Variants in ETV4 observed in about 807,000 individuals in gnomAD.
ETV4 encodes the protein ETS translocation variant 4.
A neutral mutation model predicts 65.9 loss-of-function variants in ETV4; 42 were observed. The observed-to-expected ratio is 0.64, with a 90% CI of 0.50 to 0.82. ETV4 has a LOEUF of 0.82. ETV4 is among the 40% of genes least tolerant of loss of function. ETV4 has a pLI of 0.00. For synonymous variants in ETV4, 238 were observed against 260.0 expected, an observed-to-expected ratio of 0.92 and a Z score of 0.81; for missense variants, 583 against 630.3, an observed-to-expected ratio of 0.92 and a Z score of 0.80.
At chr17:43,542,613 G>A (rs1971580740) in intron 4 of ETV4, among the ~76,000 whole-genome samples, 5 of 152,024 alleles carry the variant, frequency 3.3e-5, no homozygotes, top group Admixed American at 3.3e-4. Flanking sequence ...ATTCACCCCT[G>A]TGTACAAAAA....
intron 4 of ETV4, 74 bp from the exon 5 acceptor site, chr17:43,536,553 C>T: frequency 7.4e-7 from 1 of 1,352,900 alleles, no homozygotes; most frequent in Non-Finnish European, 1.1e-6. Flanking sequence ...TATTACAGCC[C>T]TGCAGATTAG....
At position 43,528,476 on chromosome 17, in the gene ETV4, C is replaced by G. The variant is rs781418149; in HGVS notation, c.*43G>C. On this transcript the variant is annotated 3_prime_UTR_variant, in exon 13 of 13. Transcript: ENST00000319349. ...AACACCAGATTCATTTATATGTACA[C>G]AGGGCAGCACCCACCTGCGGCAGGG... 3.7e-6 allele frequency: 5 copies of G among 1,353,500 alleles called. No homozygotes were observed. Among genetic ancestry groups the G allele is most frequent in the African/African-American group, 2.9e-5 (2 of 69,074 alleles). The allele number at this position is 1,353,500 out of a possible 1,614,324, so 83.8% of individuals were successfully genotyped here.
Position 43,529,623 on chromosome 17 carries a change from G to A in ETV4, c.1009C>T (p.Arg337Cys), listed in dbSNP as rs1018248763. 9 of 1,614,070 alleles carry A rather than the reference G, an allele frequency of 5.6e-6. No individual in the cohort carries two copies. The East Asian group carries it at 6.7e-5, about 12-fold the overall frequency. Reference sequence around the variant, plus strand: ...TGCCACAGCTGCAGGGCACCCCGGCGCTGGTAGGGCGGCCCCTCTCGAAAT... The same window carrying A: ...TGCCACAGCTGCAGGGCACCCCGGCACTGGTAGGGCGGCCCCTCTCGAAAT... ...GAFREGPPYQ[R>C]RGALQLWQFL... The change falls in exon 11 of 13, where the codon CGC (arginine) becomes TGC (cysteine). Residue 337 changes from arginine (R) to cysteine (C), a missense_variant. By Grantham distance (180) the Arg-to-Cys change is radical. Transcript: ENST00000319349.
In ETV4 at chr17:43,539,322, T is replaced by C. The variant is rs541859060; in HGVS notation, c.203-2843A>G. Among the ~76,000 whole-genome samples the C allele has an allele frequency of 3.9e-5, 6 of 152,304 alleles. No individual in the cohort carries two copies. In the South Asian group the frequency reaches 1.2e-3, roughly 32 times the overall value. ...GATGCTTTCTTGCCTTTTTCTTTTT[T>C]TCCTGACCATCAGAGTCTCAGCTCA... On this transcript the variant is annotated intron_variant, in intron 4 of 12. Coordinates refer to ENST00000319349, the MANE Select transcript of ETV4 (RefSeq NM_001079675.5).
At position 43,530,127 on chromosome 17, in the gene ETV4, G is replaced by C. The variant is rs1970830295; in HGVS notation, c.866C>G (p.Ser289Cys). 1 of 1,574,870 alleles carries C rather than the reference G, an allele frequency of 6.3e-7. No individual in the cohort carries two copies. Among genetic ancestry groups the C allele is most frequent in the Non-Finnish European group, 8.6e-7 (1 of 1,159,988 alleles). The change falls in exon 9 of 13, where the codon TCT (serine) becomes TGT (cysteine). Residue 289 changes from serine to cysteine, a missense_variant. Physicochemically the swap from Ser to Cys is moderately radical, Grantham distance 112. Transcript: ENST00000319349. Reference sequence around the variant, plus strand: ...CTTACCCATGGCCCCGTCACCTGGAGAGGGCCCAGAGAAGCCCTCTGTGTG... The same window carrying C: ...CTTACCCATGGCCCCGTCACCTGGACAGGGCCCAGAGAAGCCCTCTGTGTG... ...YLHTEGFSGP[S>C]PGDGAMGYGY...
chr17:43,539,501 C>T (rs1316660143), intron 4 of ETV4, among the ~76,000 whole-genome samples: 1 of 152,218 alleles, frequency 6.6e-6, no homozygotes, highest in Non-Finnish European at 1.5e-5. Flanking sequence ...CTACCTATCT[C>T]CTCCACCAGG....
At position 43,542,094 on chromosome 17, in the gene ETV4, C is replaced by T. The variant is rs186920763; in HGVS notation, c.202+2881G>A. Among the ~76,000 whole-genome samples the T allele has an allele frequency of 8.5e-5, 13 of 152,162 alleles. No individual in the cohort carries two copies. In the East Asian group the frequency reaches 2.3e-3, roughly 27 times the overall value. ...TGACCTACAAATATGATTGGGACAGCCAAAGGGCAAAGGGACTGGAGCCCT... is the reference window on the plus strand; with the variant it reads ...TGACCTACAAATATGATTGGGACAGTCAAAGGGCAAAGGGACTGGAGCCCT... On this transcript the variant is annotated intron_variant, in intron 4 of 12. Coordinates refer to ENST00000319349, the MANE Select transcript of ETV4 (RefSeq NM_001079675.5).
At chr17:43,535,057 GCCTT>G (rs1971164114) in intron 5 of ETV4, among the ~76,000 whole-genome samples, 1 of 152,218 alleles carries the variant, frequency 6.6e-6, no homozygotes, top group African/African-American at 2.4e-5. Flanking sequence ...AAGAACACTG[GCCTT>G]TCCTGTGGCC....
At chr17:43,546,047 T>C in intron 1 of ETV4, 138 bp downstream of exon 1, 1 of 210,888 alleles carries the variant, frequency 4.7e-6, no homozygotes, top group Non-Finnish European at 9.4e-6. Flanking sequence ...CCGCGCCCCC[T>C]CCAACCCTGA....
intron 8 of ETV4, chr17:43,530,524 A>G: frequency 1.0e-6 from 1 of 990,884 alleles, no homozygotes; most frequent in Non-Finnish European, 1.3e-6. Context: ...CCGGGGAAAG[A>G]GTTCGGTGTC....
rs1300666313 is a variant in ETV4 at position 43,545,349 on chromosome 17, T to C, written c.79A>G (p.Ser27Gly). The change falls in exon 3 of 13, where the codon AGC becomes GGC. Residue 27 changes from serine to glycine, a missense_variant. Ser to Gly is a moderately conservative substitution (Grantham distance 56). Transcript: ENST00000319349. ...GGGCCGATCAGCGCTTCGCGCAAGCTCCCATTTCCGGGCGATTTCTGCGAG... is the reference window on the plus strand; with the variant it reads ...GGGCCGATCAGCGCTTCGCGCAAGCCCCCATTTCCGGGCGATTTCTGCGAG... ...TFSSKSPGNG[S>G]LREALIGPLG... The C allele has an allele frequency of 6.2e-7, 1 of 1,602,858 alleles. No individual in the cohort carries two copies. Among genetic ancestry groups the C allele is most frequent in the Non-Finnish European group, 8.5e-7 (1 of 1,174,674 alleles).
chr17:43,540,103 A>G (rs1425874319), intron 4 of ETV4, among the ~76,000 whole-genome samples: 5 of 152,194 alleles, frequency 3.3e-5, no homozygotes, highest in Non-Finnish European at 7.3e-5. Flanking sequence ...CAAACACGGC[A>G]AAAAGACAAC....
At chr17:43,540,307 G>C (rs1180465582) in intron 4 of ETV4, among the ~76,000 whole-genome samples, 1 of 152,132 alleles carries the variant, frequency 6.6e-6, no homozygotes, top group African/African-American at 2.4e-5. Context: ...ACAAAAATTA[G>C]CCAGGCATGG....
chr17:43,541,978 C>G (rs1971546915), intron 4 of ETV4, among the ~76,000 whole-genome samples: 1 of 152,172 alleles, frequency 6.6e-6, no homozygotes, highest in African/African-American at 2.4e-5. Flanking sequence ...TGCACACACC[C>G]TAATTCCTTT....
At position 43,545,237 on chromosome 17, in the gene ETV4, C is replaced by T. The variant is rs114209626; in HGVS notation, c.154+37G>A. On this transcript the variant is annotated intron_variant, in intron 3 of 12. Coordinates refer to ENST00000319349, the MANE Select transcript of ETV4 (RefSeq NM_001079675.5). Reference sequence around the variant, plus strand: ...TGTGTGTGTGTGTGTGTGTGTGTGGCGGAGGAGGGTCGCGGTTTGTCTCTC... The same window carrying T: ...TGTGTGTGTGTGTGTGTGTGTGTGGTGGAGGAGGGTCGCGGTTTGTCTCTC... 1.6e-3 allele frequency: 1,135 copies of T among 709,548 alleles called. 5 individuals carry two copies. In the African/African-American group the frequency reaches 0.024, roughly 15 times the overall value. The allele number at this position is 709,548 out of a possible 1,614,324, so 44.0% of individuals were successfully genotyped here.
At chr17:43,537,252 G>A (rs1971290865) in intron 4 of ETV4, among the ~76,000 whole-genome samples, 1 of 152,134 alleles carries the variant, frequency 6.6e-6, no homozygotes, top group South Asian at 2.1e-4. Flanking sequence ...TATAATCCCA[G>A]CTACTCAGGA....
intron 9 of ETV4, 31 bp from the exon 10 acceptor site, chr17:43,529,983 C>T: frequency 3.7e-6 from 6 of 1,613,992 alleles, no homozygotes; most frequent in Non-Finnish European, 5.1e-6. Flanking sequence ...TTGCTCAGAT[C>T]TGGGGGTTCA....
chr17:43,529,409 A>G lies in ETV4; in HGVS notation c.1128+95T>C, dbSNP rs1350417603. 4.1e-6 allele frequency: 6 copies of G among 1,476,978 alleles called. No individual in the cohort carries two copies. The East Asian group carries it at 1.4e-4, about 34-fold the overall frequency. 91.5% of individuals were successfully genotyped at this position (1,476,978 alleles called of 1,614,324 possible). ...AGAATTCAGGTTAGGTAAAGCAAGA[A>G]TCATGATGGAGGCACGTGCCACCAT... On this transcript the variant is annotated intron_variant, in intron 11 of 12. Coordinates refer to ENST00000319349, the MANE Select transcript of ETV4 (RefSeq NM_001079675.5).
At chr17:43,534,356 TG>T (rs1971121458) in intron 5 of ETV4, among the ~76,000 whole-genome samples, 1 of 151,186 alleles carries the variant, frequency 6.6e-6, no homozygotes, top group Non-Finnish European at 1.5e-5. Flanking sequence ...TAGCCGGGGA[TG>T]GTGGCGGATG....
Sources: gnomAD v4.1 joint callset for allele counts (sites outside exome capture counted in the v4.1 genomes callset) on GRCh38, gnomAD v4.1.1 for gene constraint, MANE v1.5 for transcripts, NCBI Gene and HGNC (gene_info 2026-07-23, HGNC 2026-07-21) for gene names.